SLIT1: variants seen among roughly 807,000 people sequenced by gnomAD.
The protein encoded by SLIT1 is slit homolog 1 protein.
Under a neutral mutation model 186.1 loss-of-function variants are expected in SLIT1, and 66 were observed. The ratio of observed to expected loss-of-function variants is 0.35; its 90% CI spans 0.29 to 0.44. The LOEUF is 0.44. SLIT1 is among the 20% of genes least tolerant of loss of function. The probability of loss-of-function intolerance (pLI) is 1.00; values close to 1 mark genes in which losing one functional copy is unlikely to be tolerated. For synonymous variants in SLIT1, 761 were observed against 833.8 expected (o/e 0.91, Z 1.50); for missense variants, 1,638 against 2,037.4 (o/e 0.80, Z 3.77).
intron 1 of SLIT1, among the ~76,000 whole-genome samples, chr10:97,171,215 G>T (rs973985748): frequency 1.3e-5 from 2 of 152,132 alleles, no homozygotes; most frequent in Non-Finnish European, 2.9e-5. Context: ...AGGAAAGAAA[G>T]AACTTCTCTC....
At chr10:97,166,042 C>T (rs1345891730) in intron 1 of SLIT1, among the ~76,000 whole-genome samples, 2 of 152,054 alleles carry the variant, frequency 1.3e-5, no homozygotes, top group African/African-American at 2.4e-5. Context: ...GGGCAGCTCC[C>T]CACTCGCCTG....
chr10:97,034,569 T>G, intron 22 of SLIT1, 27 bp from the exon 23 acceptor site: 1 of 1,592,520 alleles, frequency 6.3e-7, no homozygotes, highest in Non-Finnish European at 8.6e-7. Context: ...CATCATGATT[T>G]AGAAAGAACT....
chr10:97,128,538 A>G (rs536508147), intron 4 of SLIT1, among the ~76,000 whole-genome samples: 4 of 152,298 alleles, frequency 2.6e-5, no homozygotes, highest in South Asian at 4.1e-4. Context: ...GGGCTCTGGG[A>G]GCAGGAGTTT....
At chr10:97,058,611 C>A (rs926658793) in intron 11 of SLIT1, among the ~76,000 whole-genome samples, 1 of 152,182 alleles carries the variant, frequency 6.6e-6, no homozygotes, top group Non-Finnish European at 1.5e-5. Flanking sequence ...GACTCTGCTC[C>A]AAGAAAAGAT....
intron 1 of SLIT1, among the ~76,000 whole-genome samples, chr10:97,170,874 C>T (rs956175990): frequency 2.3e-4 from 35 of 152,218 alleles, no homozygotes; most frequent in African/African-American, 7.7e-4. Context: ...TGGGATTTCC[C>T]GGGGCTGCAA....
intron 3 of SLIT1, among the ~76,000 whole-genome samples, chr10:97,161,658 A>C (rs1303549412): frequency 1.3e-5 from 2 of 152,132 alleles, no homozygotes; most frequent in African/African-American, 4.8e-5. Flanking sequence ...GGCGCCTGTA[A>C]TCCCAGCTAC....
intron 4 of SLIT1, among the ~76,000 whole-genome samples, chr10:97,097,070 G>A (rs577938842): frequency 6.6e-6 from 1 of 152,184 alleles, no homozygotes; most frequent in African/African-American, 2.4e-5. Flanking sequence ...CACCCCAAAA[G>A]AGGCTGACCC....
chr10:97,147,946 C>T (rs1284517111), intron 4 of SLIT1, among the ~76,000 whole-genome samples: 1 of 152,188 alleles, frequency 6.6e-6, no homozygotes, highest in Non-Finnish European at 1.5e-5. Context: ...TACCTTGAAA[C>T]CCACCTTCCC....
At chr10:97,082,907 CTGTT>C (rs762535048) in intron 4 of SLIT1, among the ~76,000 whole-genome samples, 3 of 151,802 alleles carry the variant, frequency 2.0e-5, no homozygotes, top group Admixed American at 2.0e-4. Flanking sequence ...AGAAAGTCTA[CTGTT>C]TGTTTGTTTG....
At position 97,068,081 on chromosome 10, in the gene SLIT1, C is replaced by T. The variant is rs1394095781; in HGVS notation, c.414-1995G>A. ...GGCACTGGACCAGCTGCTGCTGCACCCCAGCACCTAGGACAGTGCCTGGCC... is the reference window on the plus strand; with the variant it reads ...GGCACTGGACCAGCTGCTGCTGCACTCCAGCACCTAGGACAGTGCCTGGCC... On this transcript the variant is annotated intron_variant, in intron 4 of 36. Coordinates refer to ENST00000266058, the MANE Select transcript of SLIT1 (RefSeq NM_003061.3). The surrounding 1 kb of genome is among the most constrained non-coding windows in gnomAD (Gnocchi z 4.2). Among the ~76,000 whole-genome samples the T allele has an allele frequency of 6.6e-6, 1 of 152,186 alleles. No individual in the cohort carries two copies. The highest frequency in any genetic ancestry group is 1.5e-5 in the Non-Finnish European group (1 of 68,022).
At chr10:97,171,853 A>G (rs532843855) in intron 1 of SLIT1, among the ~76,000 whole-genome samples, 1 of 151,838 alleles carries the variant, frequency 6.6e-6, no homozygotes, top group Admixed American at 6.6e-5. Flanking sequence ...ATGAACTACA[A>G]GTTCCCGAGT....
At chr10:97,123,683 G>A (rs376512349) in intron 4 of SLIT1, among the ~76,000 whole-genome samples, 7 of 151,968 alleles carry the variant, frequency 4.6e-5, no homozygotes, top group East Asian at 1.9e-4. Flanking sequence ...CCAGCTACTC[G>A]AGAGGCTGAG....
chr10:97,158,209 G>A (rs1385478851), intron 3 of SLIT1, among the ~76,000 whole-genome samples: 1 of 152,134 alleles, frequency 6.6e-6, no homozygotes, highest in African/African-American at 2.4e-5. Flanking sequence ...GGTTTCTAAG[G>A]CACTGATTCC....
intron 4 of SLIT1, among the ~76,000 whole-genome samples, chr10:97,090,884 G>A (rs1202082557): frequency 6.6e-6 from 1 of 152,246 alleles, no homozygotes; most frequent in Non-Finnish European, 1.5e-5. Flanking sequence ...CCCTCTGCTA[G>A]TGCTGAAGGG....
At position 97,157,888 on chromosome 10, in the gene SLIT1, G is replaced by A. The variant is rs778188946; in HGVS notation, c.343C>T (p.Arg115Ter). The change falls in exon 4 of 37, where the codon CGA (arginine) becomes TGA (stop). Residue 115 changes from arginine to a stop codon, truncating the protein, a stop_gained and splice_region_variant. Coordinates refer to ENST00000266058, the MANE Select transcript of SLIT1 (RefSeq NM_003061.3). LOFTEE classifies it high-confidence loss of function. ...ATGTGCAGCTGGTTTCGGTTCAGTC[G>A]CCTATAAAAGAGAAGAAGAATTGGA... is the stretch of plus-strand genomic sequence containing the variant. The part of the protein sequence containing the change: ...FDDMKELERL[R>*]LNRNQLHMLP... 2.5e-6 allele frequency: 4 copies of A among 1,611,878 alleles called. No homozygotes were observed. Among genetic ancestry groups the A allele is most frequent in the Non-Finnish European group, 3.4e-6 (4 of 1,177,994 alleles).
At chr10:97,113,970 G>T (rs1849487439) in intron 4 of SLIT1, among the ~76,000 whole-genome samples, 1 of 152,186 alleles carries the variant, frequency 6.6e-6, no homozygotes, top group African/African-American at 2.4e-5. Context: ...AGGGGTGGGA[G>T]TGAGGCATTG....
At chr10:97,012,687 C>T (rs1473699023) in intron 30 of SLIT1, among the ~76,000 whole-genome samples, 2 of 152,248 alleles carry the variant, frequency 1.3e-5, no homozygotes, top group Non-Finnish European at 2.9e-5. Context: ...CGTCCGTCTA[C>T]CATTTGGATG....
chr10:97,014,552 A>G (rs1848438409), intron 28 of SLIT1, among the ~76,000 whole-genome samples: 1 of 152,118 alleles, frequency 6.6e-6, no homozygotes, highest in Admixed American at 6.6e-5. Context: ...GAGGAAGGTG[A>G]CTGGGGCAGA....
In SLIT1 at chr10:97,037,733, C is replaced by T. The variant is rs760104044; in HGVS notation, c.2331G>A (p.Pro777=). ...GGTACTTGAAGGTAGACAGCTGTCC[C>T]GGAACCAGCGTGAACTGGTTCCCGT... ...YLDGNQFTLV[P]GQLSTFKYLQ... Residue 777 remains proline (P), a synonymous_variant, in exon 22 of 37, where the codon CCG becomes CCA. Transcript: ENST00000266058. 6.8e-6 allele frequency: 11 copies of T among 1,609,748 alleles called. No homozygotes were observed. The highest frequency in any genetic ancestry group is 6.7e-5 in the African/African-American group (5 of 74,858).
Sources: gnomAD v4.1 joint callset for allele counts (sites outside exome capture counted in the v4.1 genomes callset) on GRCh38, gnomAD v4.1.1 for gene constraint, Gnocchi (gnomAD v3.1) non-coding constraint, MANE v1.5 for transcripts, NCBI Gene and HGNC (gene_info 2026-07-23, HGNC 2026-07-21) for gene names.